WDFY2: variants seen among roughly 807,000 people sequenced by gnomAD.
WDFY2 encodes the protein WD repeat and FYVE domain-containing protein 2.
In WDFY2, 36 loss-of-function variants were observed where a neutral mutation model predicts 56.4. That is an observed-to-expected ratio of 0.64 (90% CI 0.49 to 0.84). The LOEUF (loss-of-function observed/expected upper bound fraction) is 0.84, where lower values mean the gene tolerates loss of function less well. WDFY2 is among the 40% of genes least tolerant of loss of function. The pLI, the probability that WDFY2 is intolerant of heterozygous loss-of-function variation, is 0.00. For missense variants in WDFY2, 444 were observed against 512.2 expected (o/e 0.87, Z 1.29); for synonymous variants, 176 against 183.7 (o/e 0.96, Z 0.34).
intron 1 of WDFY2, among the ~76,000 whole-genome samples, chr13:51,646,233 C>A (rs1955259698): frequency 6.6e-6 from 1 of 152,254 alleles, no homozygotes; most frequent in Non-Finnish European, 1.5e-5. Flanking sequence ...TCTGCCTGTT[C>A]TTTGTCCAGG....
chr13:51,682,421 A>C (rs1955995020), intron 3 of WDFY2, among the ~76,000 whole-genome samples: 1 of 152,252 alleles, frequency 6.6e-6, no homozygotes, highest in African/African-American at 2.4e-5. Context: ...ACTCTGTTAC[A>C]GTCTGGCACC....
rs994486453 is a variant in WDFY2, at chr13:51,760,828, G to C, written c.*1059G>C. ...GAGAATCTGACGCCACCGCTGATCTGATGGGAGGCGGAGCCCAGGCAGTAA... is the reference window on the plus strand; with the variant it reads ...GAGAATCTGACGCCACCGCTGATCTCATGGGAGGCGGAGCCCAGGCAGTAA... On this transcript the variant is annotated 3_prime_UTR_variant, in exon 12 of 12. Coordinates refer to ENST00000298125, the MANE Select transcript of WDFY2 (RefSeq NM_052950.4). 3 of 152,398 alleles carry C rather than the reference G, an allele frequency of 2.0e-5. No homozygotes were observed. The highest frequency in any genetic ancestry group is 4.4e-5 in the Non-Finnish European group (3 of 68,098). The allele number at this position is 152,398 out of a possible 1,614,324, so 9.4% of individuals were successfully genotyped here. A position where few individuals can be genotyped will look rare whatever the true frequency, so the allele number is the denominator to read the frequency against.
chr13:51,636,057 A>G (rs991500064), intron 1 of WDFY2, among the ~76,000 whole-genome samples: 3 of 152,144 alleles, frequency 2.0e-5, no homozygotes, highest in Non-Finnish European at 4.4e-5. Flanking sequence ...TTTTTTTTCA[A>G]CATGCTGGGT....
In WDFY2 at chr13:51,762,998, C is replaced by T. The variant is rs1191711083; in HGVS notation, c.*3229C>T. ...TATGTCATTTTGTATGGGGTCAATC[C>T]ACCATAACGTGTTTCTCATTTGGTT... On this transcript the variant is annotated 3_prime_UTR_variant, in exon 12 of 12. Transcript: ENST00000298125. The T allele has an allele frequency of 6.6e-6, 1 of 152,116 alleles. No homozygotes were observed. The highest frequency in any genetic ancestry group is 6.5e-5 in the Admixed American group (1 of 15,278). 9.4% of individuals were successfully genotyped at this position (152,116 alleles called of 1,614,324 possible).
intron 3 of WDFY2, among the ~76,000 whole-genome samples, chr13:51,694,798 C>G (rs1593421893): frequency 6.6e-6 from 1 of 152,142 alleles, no homozygotes; most frequent in African/African-American, 2.4e-5. Flanking sequence ...GTTCCATTTT[C>G]CCCGTCACTT....
At chr13:51,596,678 A>G (rs894355126) in intron 1 of WDFY2, among the ~76,000 whole-genome samples, 1 of 152,218 alleles carries the variant, frequency 6.6e-6, no homozygotes, top group Non-Finnish European at 1.5e-5. Context: ...TGCATTGTTC[A>G]TATAAGACCA....
At chr13:51,670,414 G>A (rs570890621) in intron 2 of WDFY2, among the ~76,000 whole-genome samples, 1 of 151,936 alleles carries the variant, frequency 6.6e-6, no homozygotes, top group African/African-American at 2.4e-5. Context: ...CCAATCCAAG[G>A]CCTGTTCCTG....
intron 4 of WDFY2, among the ~76,000 whole-genome samples, chr13:51,715,226 A>G (rs1041483527): frequency 3.9e-5 from 6 of 152,120 alleles, no homozygotes; most frequent in Admixed American, 1.3e-4. Context: ...AGTGTACTCT[A>G]TTTTTACTTT....
At chr13:51,658,067 G>T (rs1414054716) in intron 1 of WDFY2, among the ~76,000 whole-genome samples, 2 of 151,968 alleles carry the variant, frequency 1.3e-5, no homozygotes, top group Non-Finnish European at 2.9e-5. Flanking sequence ...AGAACTGGAC[G>T]TTTTGAATAT....
chr13:51,584,524 A>T lies in WDFY2; in HGVS notation c.-164A>T. ...TTGGTGCCTGAAGCAGGGAGCGCGG[A>T]GTCGTTCCCGAGAGAGGCGGCCAGG... On this transcript the variant is annotated 5_prime_UTR_variant, in exon 1 of 12. Transcript: ENST00000298125. 2.1e-6 allele frequency: 2 copies of T among 935,010 alleles called. No homozygotes were observed. Among genetic ancestry groups the T allele is most frequent in the Non-Finnish European group, 1.5e-6 (1 of 655,536 alleles). 57.9% of individuals were successfully genotyped at this position (935,010 alleles called of 1,614,324 possible).
At chr13:51,759,620 GT>G in intron 11 of WDFY2, 119 bp from the exon 12 acceptor site, 1 of 785,456 alleles carries the variant, frequency 1.3e-6, no homozygotes, top group Non-Finnish European at 2.1e-6. Flanking sequence ...TGGAAATCAT[GT>G]TAGTATAGTA....
chr13:51,767,197 G>C lies in WDFY2; in HGVS notation c.*7428G>C, dbSNP rs1422532189. ...ACCTGCATGCTATGGAATCACCGTT[G>C]AGGGGGTGGCTGGGTTGCCCCGTCC... On this transcript the variant is annotated 3_prime_UTR_variant, in exon 12 of 12. Transcript: ENST00000298125. The C allele has an allele frequency of 6.6e-6, 1 of 152,300 alleles. No homozygotes were observed. Among genetic ancestry groups the C allele is most frequent in the African/African-American group, 2.4e-5 (1 of 41,478 alleles). The allele number at this position is 152,300 out of a possible 1,614,324, so 9.4% of individuals were successfully genotyped here.
chr13:51,692,578 C>T (rs1951764794), intron 3 of WDFY2, among the ~76,000 whole-genome samples: 1 of 152,166 alleles, frequency 6.6e-6, no homozygotes, highest in Admixed American at 6.5e-5. Flanking sequence ...TTTCGATGTG[C>T]TGCTGGATTC....
rs1349569312 is a variant in WDFY2 at position 51,587,028 on chromosome 13, GA to G, written c.137+2205del. The G allele has an allele frequency of 2.6e-5, 4 of 152,170 alleles. No homozygotes were observed. In the East Asian group the frequency reaches 7.7e-4, roughly 29 times the overall value. 9.4% of individuals were successfully genotyped at this position (152,170 alleles called of 1,614,324 possible). A position where few individuals can be genotyped will look rare whatever the true frequency, so the allele number is the denominator to read the frequency against. On this transcript the variant is annotated intron_variant, in intron 1 of 11. Transcript: ENST00000298125. ...GCTAAATATATGAAAATGTAATATT[GA>G]TTTTCATCACAACCTACAAAGCCAT...
intron 1 of WDFY2, among the ~76,000 whole-genome samples, chr13:51,624,093 A>T (rs1286512240): frequency 1.3e-5 from 2 of 152,204 alleles, no homozygotes; most frequent in Non-Finnish European, 2.9e-5. Context: ...AAACCTGTAT[A>T]CGGTGAAATT....
At chr13:51,639,939 A>C (rs572048856) in intron 1 of WDFY2, among the ~76,000 whole-genome samples, 2 of 152,278 alleles carry the variant, frequency 1.3e-5, no homozygotes, top group South Asian at 4.1e-4. Flanking sequence ...TTCTAGCAGG[A>C]TTATTCTGAT....
chr13:51,616,667 T>G (rs1380831159), intron 1 of WDFY2, among the ~76,000 whole-genome samples: 1 of 152,216 alleles, frequency 6.6e-6, no homozygotes, highest in Non-Finnish European at 1.5e-5. Flanking sequence ...CACCCAGAAG[T>G]GACACACGTT....
intron 5 of WDFY2, 112 bp downstream of exon 5, chr13:51,719,460 A>C (rs1952440358): frequency 1.6e-6 from 2 of 1,224,620 alleles, no homozygotes; most frequent in African/African-American, 3.0e-5. Context: ...ACAGTTGCCC[A>C]GTGTGGATTA....
chr13:51,620,976 C>A (rs919263042), intron 1 of WDFY2, among the ~76,000 whole-genome samples: 1 of 152,164 alleles, frequency 6.6e-6, no homozygotes. Context: ...ACTGCCTGCC[C>A]TTACACACAA....
Sources: gnomAD v4.1 joint callset for allele counts (sites outside exome capture counted in the v4.1 genomes callset) on GRCh38, gnomAD v4.1.1 for gene constraint, MANE v1.5 for transcripts, NCBI Gene and HGNC (gene_info 2026-07-23, HGNC 2026-07-21) for gene names.